NAALADL2: variants seen among roughly 807,000 people sequenced by gnomAD.
NAALADL2 encodes the protein inactive N-acetylated-alpha-linked acidic dipeptidase-like protein 2.
Under a neutral mutation model 87.2 loss-of-function variants are expected in NAALADL2, and 76 were observed. The ratio of observed to expected loss-of-function variants is 0.87; its 90% CI spans 0.72 to 1.05. The LOEUF (loss-of-function observed/expected upper bound fraction) is 1.05. NAALADL2 is among the 50% of genes least tolerant of loss of function. NAALADL2 has a pLI of 0.00. For missense variants in NAALADL2, 1,089 were observed against 945.8 expected (o/e 1.15, Z -1.99); for synonymous variants, 354 against 331.0 (o/e 1.07, Z -0.75).
At chr3:174,906,500 T>C (rs906969563) in intron 1 of NAALADL2, among the ~76,000 whole-genome samples, 1 of 152,124 alleles carries the variant, frequency 6.6e-6, no homozygotes, top group African/African-American at 2.4e-5. Context: ...GTGTATGTTG[T>C]AAAGTACCCT....
chr3:175,176,555 G>T lies in NAALADL2; in HGVS notation c.546-57376G>T, dbSNP rs1350815. Among the ~76,000 whole-genome samples, 1,258 of 152,214 alleles carry T rather than the reference G, an allele frequency of 8.3e-3. 21 individuals carry two copies. The highest frequency in any genetic ancestry group is 0.028 in the African/African-American group (1,180 of 41,540). On this transcript the variant is annotated intron_variant, in intron 2 of 13. Coordinates refer to ENST00000454872, the MANE Select transcript of NAALADL2 (RefSeq NM_207015.3). ...ATGGCAAATGAAATATTGTACATGT[G>T]ATTAAGTTAAGGATTTTGAAAAGGG...
At chr3:175,477,707 C>CA (rs112641703) in intron 9 of NAALADL2, among the ~76,000 whole-genome samples, 15 of 152,164 alleles carry the variant, frequency 9.9e-5, no homozygotes, top group African/African-American at 2.9e-4. Context: ...AGTCACTGTG[C>CA]AAAAAATGTG....
chr3:175,420,519 A>G (rs1251355438), intron 5 of NAALADL2, among the ~76,000 whole-genome samples: 3 of 152,042 alleles, frequency 2.0e-5, no homozygotes, highest in Admixed American at 1.3e-4. Context: ...CCTTTGGAAC[A>G]TACAGCCAGT....
intron 2 of NAALADL2, among the ~76,000 whole-genome samples, chr3:175,199,552 A>G (rs532333068): frequency 2.0e-5 from 3 of 152,006 alleles, no homozygotes; most frequent in Admixed American, 1.3e-4. Flanking sequence ...ATACATTTGC[A>G]AGCAAATTGT....
chr3:174,664,478 C>G (rs1396217972), intron 2 of NAALADL2, among the ~76,000 whole-genome samples: 1 of 152,064 alleles, frequency 6.6e-6, no homozygotes, highest in Non-Finnish European at 1.5e-5. Flanking sequence ...CAATTAATGA[C>G]TTTTTAATGA....
At chr3:174,502,998 A>T (rs557043573) in intron 1 of NAALADL2, among the ~76,000 whole-genome samples, 30 of 151,878 alleles carry the variant, frequency 2.0e-4, no homozygotes, top group Admixed American at 7.2e-4. Context: ...ACTGCACTCC[A>T]TCCTGGGTGA....
At chr3:175,154,503 T>C (rs1484009719) in intron 2 of NAALADL2, among the ~76,000 whole-genome samples, 6 of 152,146 alleles carry the variant, frequency 3.9e-5, no homozygotes, top group Admixed American at 3.3e-4. Context: ...ATTACCTTTT[T>C]TATTGGGTTG....
At chr3:174,528,153 G>A in intron 1 of NAALADL2, among the ~76,000 whole-genome samples, 1 of 152,056 alleles carries the variant, frequency 6.6e-6, no homozygotes, top group East Asian at 1.9e-4. Flanking sequence ...CTTCCACTTT[G>A]TGTTATGTAC....
intron 5 of NAALADL2, among the ~76,000 whole-genome samples, chr3:175,341,813 CT>C (rs1246729120): frequency 6.6e-6 from 1 of 152,024 alleles, no homozygotes; most frequent in African/African-American, 2.4e-5. Context: ...AGTTTTAGCT[CT>C]CACATTTAGG....
chr3:175,276,673 A>C (rs182080255), intron 4 of NAALADL2, among the ~76,000 whole-genome samples: 1 of 152,196 alleles, frequency 6.6e-6, no homozygotes, highest in Non-Finnish European at 1.5e-5. Flanking sequence ...AAGTCATGTG[A>C]AAATCACTAA....
chr3:175,743,830 C>A (rs1008878182), intron 12 of NAALADL2, among the ~76,000 whole-genome samples: 1 of 152,094 alleles, frequency 6.6e-6, no homozygotes, highest in Non-Finnish European at 1.5e-5. Context: ...CAGTGTATGA[C>A]CATGAGAGTG....
intron 11 of NAALADL2, among the ~76,000 whole-genome samples, chr3:175,665,236 T>G (rs1433743794): frequency 6.6e-6 from 1 of 152,188 alleles, no homozygotes; most frequent in Non-Finnish European, 1.5e-5. Context: ...AGCAAACAGT[T>G]ACAAGGCTGT....
At chr3:174,983,357 G>A (rs956514502) in intron 1 of NAALADL2, among the ~76,000 whole-genome samples, 2 of 152,166 alleles carry the variant, frequency 1.3e-5, no homozygotes, top group Non-Finnish European at 2.9e-5. Flanking sequence ...TTATGGCAGG[G>A]GAAATATTGG....
At chr3:174,551,766 T>A (rs972703867) in intron 2 of NAALADL2, among the ~76,000 whole-genome samples, 24 of 152,368 alleles carry the variant, frequency 1.6e-4, no homozygotes, top group African/African-American at 5.1e-4. Context: ...TAACACATAC[T>A]AATATTTTCC....
intron 1 of NAALADL2, among the ~76,000 whole-genome samples, chr3:174,477,989 T>C (rs1025998771): frequency 6.6e-5 from 10 of 152,152 alleles, no homozygotes; most frequent in Non-Finnish European, 1.5e-4. Flanking sequence ...AAGAGTATAA[T>C]AGGGAATTGA....
At chr3:174,449,536 C>A (rs186857830) in intron 1 of NAALADL2, among the ~76,000 whole-genome samples, 5 of 152,214 alleles carry the variant, frequency 3.3e-5, no homozygotes, top group African/African-American at 1.2e-4. Context: ...TATTTCCAGA[C>A]AATCACGATC....
intron 4 of NAALADL2, among the ~76,000 whole-genome samples, chr3:175,270,365 A>T (rs930221278): frequency 1.3e-5 from 2 of 152,214 alleles, no homozygotes; most frequent in African/African-American, 4.8e-5. Flanking sequence ...AAAATCAACT[A>T]GTAGGTTGGA....
chr3:174,444,771 A>G (rs1034983461), intron 1 of NAALADL2, among the ~76,000 whole-genome samples: 2 of 152,200 alleles, frequency 1.3e-5, no homozygotes, highest in Non-Finnish European at 2.9e-5. Flanking sequence ...GTCTAATTAT[A>G]GAATGGTGGT....
At chr3:174,817,403 A>G (rs1201087778) in intron 3 of NAALADL2, among the ~76,000 whole-genome samples, 2 of 152,074 alleles carry the variant, frequency 1.3e-5, no homozygotes, top group Admixed American at 1.3e-4. Flanking sequence ...AGAGTTTAAG[A>G]CCACCCTGGG....
Sources: allele counts gnomAD v4.1 joint callset (sites outside exome capture counted in the v4.1 genomes callset), GRCh38; gene constraint gnomAD v4.1.1; transcripts MANE v1.5; gene names NCBI Gene and HGNC (gene_info 2026-07-23, HGNC 2026-07-21).